RORB: variants seen among roughly 807,000 people sequenced by gnomAD.
RORB encodes RAR related orphan receptor B, also known as nuclear receptor ROR-beta.
Under a neutral mutation model 59.1 loss-of-function variants are expected in RORB, and 6 were observed. The observed-to-expected ratio is 0.10, with a 90% CI of 0.06 to 0.20. The LOEUF is 0.20. Among genes scored for constraint, RORB ranks in the 10% least tolerant of loss-of-function variants. The pLI, the probability that RORB is intolerant of heterozygous loss-of-function variation, is 1.00. For synonymous variants in RORB, 215 were observed against 204.5 expected, an observed-to-expected ratio of 1.05 and a Z score of -0.44; for missense variants, 320 against 560.5, an observed-to-expected ratio of 0.57 and a Z score of 4.33.
intron 9 of RORB, among the ~76,000 whole-genome samples, chr9:74,683,182 T>A (rs1053977734): frequency 2.0e-5 from 3 of 152,214 alleles, no homozygotes; most frequent in African/African-American, 7.2e-5. Context: ...TCAATTCAAC[T>A]GCAGATGATT....
At chr9:74,588,611 A>G (rs4612422) in intron 1 of RORB, among the ~76,000 whole-genome samples, 145,877 of 152,208 alleles carry the variant, frequency 0.96, 70,220 homozygotes, top group East Asian at 1. Flanking sequence ...TTAGAACAAG[A>G]TATTATACTC....
At chr9:74,528,235 T>C (rs1434615317) in intron 1 of RORB, among the ~76,000 whole-genome samples, 1 of 151,990 alleles carries the variant, frequency 6.6e-6, no homozygotes, top group Non-Finnish European at 1.5e-5. Flanking sequence ...GAGGGGTTCT[T>C]AGAGTCCAAG....
intron 1 of RORB, among the ~76,000 whole-genome samples, chr9:74,594,450 G>C (rs1315680044): frequency 6.6e-6 from 1 of 151,878 alleles, no homozygotes; most frequent in African/African-American, 2.4e-5. Flanking sequence ...TTCAAAACTG[G>C]GGCTATCTGC....
intron 1 of RORB, among the ~76,000 whole-genome samples, chr9:74,588,432 C>T (rs1264804397): frequency 2.0e-5 from 3 of 151,996 alleles, no homozygotes; most frequent in South Asian, 4.1e-4. Context: ...TTTTGATGTT[C>T]GCCTTAAAAG....
intron 1 of RORB, among the ~76,000 whole-genome samples, chr9:74,563,512 C>T (rs1013944465): frequency 6.6e-6 from 1 of 152,138 alleles, no homozygotes; most frequent in Non-Finnish European, 1.5e-5. Flanking sequence ...ACTATTTCCT[C>T]AGTTCATTTT....
Position 74,627,828 on chromosome 9 carries a change from C to T in RORB, c.8-2454C>T, listed in dbSNP as rs536165101. Among the ~76,000 whole-genome samples, 4 of 151,346 alleles carry T rather than the reference C, an allele frequency of 2.6e-5. No individual in the cohort carries two copies. The South Asian group carries it at 8.4e-4, about 32-fold the overall frequency. On this transcript the variant is annotated intron_variant, in intron 1 of 9. Coordinates refer to ENST00000376896, the MANE Select transcript of RORB (RefSeq NM_006914.4). ...AAAAAACCATAGTACAAATGACTTG[C>T]TGTGTCATTTATTAGATTATTTTTA...
At chr9:74,527,963 G>A (rs1371545070) in intron 1 of RORB, among the ~76,000 whole-genome samples, 4 of 151,878 alleles carry the variant, frequency 2.6e-5, no homozygotes, top group African/African-American at 9.7e-5. Context: ...TTCCAAATGG[G>A]GTTTCGGAGC....
intron 1 of RORB, among the ~76,000 whole-genome samples, chr9:74,550,881 G>A (rs924786860): frequency 2.0e-5 from 3 of 152,108 alleles, no homozygotes; most frequent in African/African-American, 4.8e-5. Context: ...AGTGTAAAAT[G>A]TACAATTGAT....
rs564786441 is a variant in RORB, at chr9:74,587,762, G to T, written c.8-42520G>T. Among the ~76,000 whole-genome samples, 5 of 152,246 alleles carry T rather than the reference G, an allele frequency of 3.3e-5. No individual in the cohort carries two copies. The South Asian group carries it at 1.0e-3, about 32-fold the overall frequency. On this transcript the variant is annotated intron_variant, in intron 1 of 9. Transcript: ENST00000376896. ...CCAAAGAGCAACAAGTGATGGCAAG[G>T]CCCAATGTGTGCACACATGTCAATC...
At chr9:74,626,402 A>T (rs1823516985) in intron 1 of RORB, among the ~76,000 whole-genome samples, 4 of 152,258 alleles carry the variant, frequency 2.6e-5, no homozygotes, top group Non-Finnish European at 4.4e-5. Context: ...AAAAATATTA[A>T]TTAATACATA....
intron 4 of RORB, among the ~76,000 whole-genome samples, chr9:74,647,989 T>C (rs1037812764): frequency 2.0e-5 from 3 of 152,184 alleles, no homozygotes; most frequent in African/African-American, 7.2e-5. Flanking sequence ...CATGCAGAAA[T>C]GGTGCAGAGA....
At chr9:74,597,473 A>G (rs2118308309) in intron 1 of RORB, among the ~76,000 whole-genome samples, 1 of 152,382 alleles carries the variant, frequency 6.6e-6, no homozygotes, top group Admixed American at 6.5e-5. Flanking sequence ...TAAATATCAA[A>G]GTGATTTAAA....
intron 1 of RORB, among the ~76,000 whole-genome samples, chr9:74,602,092 T>A (rs1823067880): frequency 6.6e-6 from 1 of 152,038 alleles, no homozygotes; most frequent in Non-Finnish European, 1.5e-5. Flanking sequence ...TCCATCCAGG[T>A]CCCCATCAAC....
intron 1 of RORB, among the ~76,000 whole-genome samples, chr9:74,590,224 T>C (rs918198677): frequency 2.6e-5 from 4 of 152,214 alleles, no homozygotes; most frequent in African/African-American, 9.6e-5. Flanking sequence ...TAATGTCTAC[T>C]GGACTGAAAT....
At chr9:74,569,821 A>G (rs957630795) in intron 1 of RORB, among the ~76,000 whole-genome samples, 5 of 152,210 alleles carry the variant, frequency 3.3e-5, no homozygotes, top group Admixed American at 1.3e-4. Flanking sequence ...ACTGTATATA[A>G]ATAAGGCCAA....
chr9:74,563,586 T>C (rs1394147836), intron 1 of RORB, among the ~76,000 whole-genome samples: 1 of 152,236 alleles, frequency 6.6e-6, no homozygotes, highest in Non-Finnish European at 1.5e-5. Flanking sequence ...GTTTCCTCCA[T>C]ATGGATTTGT....
chr9:74,525,974 AC>A (rs1388035427), intron 1 of RORB, among the ~76,000 whole-genome samples: 10 of 151,976 alleles, frequency 6.6e-5, no homozygotes, highest in Non-Finnish European at 1.5e-5. Flanking sequence ...AGGATGGGTT[AC>A]AGTCACTTTA....
intron 1 of RORB, among the ~76,000 whole-genome samples, chr9:74,541,828 T>C (rs1826411953): frequency 6.6e-6 from 1 of 152,174 alleles, no homozygotes; most frequent in South Asian, 2.1e-4. Context: ...GGAGACAGGA[T>C]AGTAATCTTA....
chr9:74,611,242 G>T (rs1823227177), intron 1 of RORB, among the ~76,000 whole-genome samples: 1 of 152,090 alleles, frequency 6.6e-6, no homozygotes, highest in Non-Finnish European at 1.5e-5. Flanking sequence ...CAGAGAAAAT[G>T]AAATCTACCA....
Sources: allele counts gnomAD v4.1 joint callset (sites outside exome capture counted in the v4.1 genomes callset), GRCh38; gene constraint gnomAD v4.1.1; transcripts MANE v1.5; gene names NCBI Gene and HGNC (gene_info 2026-07-23, HGNC 2026-07-21).